The following SOBP variants were observed in gnomAD, a reference collection of about 807,000 sequenced individuals.
The protein encoded by SOBP is sine oculis binding protein homolog.
In SOBP, 4 loss-of-function variants were observed where a neutral mutation model predicts 53.6. That is an observed-to-expected ratio of 0.07 (90% CI 0.04 to 0.17). The LOEUF (loss-of-function observed/expected upper bound fraction) is 0.17. Ranked by LOEUF, SOBP falls within the 10% of genes least tolerant of loss-of-function variation. The pLI is 1.00. For missense variants in SOBP, 1,088 were observed against 1,204.7 expected, an observed-to-expected ratio of 0.90 and a Z score of 1.43; for synonymous variants, 584 against 522.6, an observed-to-expected ratio of 1.12 and a Z score of -1.60.
At chr6:107,596,294 TTAAAA>T (rs1002414594) in intron 5 of SOBP, among the ~76,000 whole-genome samples, 1 of 152,172 alleles carries the variant, frequency 6.6e-6, no homozygotes, top group African/African-American at 2.4e-5. Flanking sequence ...CCTGGTGGTA[TTAAAA>T]TAAAGGCATT....
intron 5 of SOBP, among the ~76,000 whole-genome samples, chr6:107,613,453 C>T (rs1007269578): frequency 7.0e-4 from 107 of 152,118 alleles, no homozygotes; most frequent in African/African-American, 2.3e-3. Flanking sequence ...TGTCTGGACT[C>T]AGATGTTTTA....
rs866435773 is a variant in SOBP at position 107,634,258 on chromosome 6, C to T, written c.1414C>T (p.Pro472Ser). ...PPSTPTMPGNPPGLLPPPPPG... is the reference protein window; with the variant it reads ...PPSTPTMPGNSPGLLPPPPPG... ...GAGCACCCCCACCATGCCCGGGAAC[C>T]CCCCAGGCCTGCTGCCCCCGCCGCC... The change falls in exon 6 of 7, where the codon CCC (proline) becomes TCC (serine). Residue 472 changes from proline to serine, a missense_variant. This residue lies in a region of SOBP where 665 missense variants were observed against 629.7 expected (regional missense o/e 1.06). Coordinates refer to ENST00000317357, the MANE Select transcript of SOBP (RefSeq NM_018013.4). This position sits in a 1 kb window ranked among gnomAD's most constrained non-coding sequence, Gnocchi z 4.5. 1.3e-6 allele frequency: 2 copies of T among 1,567,174 alleles called. No individual in the cohort carries two copies. The highest frequency in any genetic ancestry group is 1.7e-6 in the Non-Finnish European group (2 of 1,161,680).
In SOBP at chr6:107,633,750, C is replaced by T. The variant is rs1224268440; in HGVS notation, c.906C>T (p.Ile302=). The part of the protein sequence containing the change: ...VQLLTPDSWN[I]PLTDARRKAP... ...TGCTCACTCCAGACTCTTGGAATAT[C>T]CCGCTAACAGATGCTCGGAGGAAGG... Residue 302 remains isoleucine (I), a synonymous_variant, in exon 6 of 7, where the codon ATC becomes ATT. Coordinates refer to ENST00000317357, the MANE Select transcript of SOBP (RefSeq NM_018013.4). The T allele has an allele frequency of 2.5e-6, 4 of 1,614,260 alleles. No homozygotes were observed. The highest frequency in any genetic ancestry group is 4.5e-5 in the East Asian group (2 of 44,880).
intron 3 of SOBP, among the ~76,000 whole-genome samples, chr6:107,515,693 G>A (rs949746553): frequency 6.6e-5 from 10 of 152,178 alleles, no homozygotes; most frequent in Non-Finnish European, 4.4e-5. Flanking sequence ...AGGTTGTAGT[G>A]AGCCAAGATT....
intron 4 of SOBP, among the ~76,000 whole-genome samples, chr6:107,565,997 G>A (rs989329774): frequency 3.9e-5 from 6 of 152,164 alleles, no homozygotes; most frequent in African/African-American, 1.4e-4. Context: ...TTTAAAATTT[G>A]TCCCTTGCTA....
At chr6:107,620,649 C>A (rs1786970325) in intron 5 of SOBP, among the ~76,000 whole-genome samples, 1 of 152,200 alleles carries the variant, frequency 6.6e-6, no homozygotes, top group Non-Finnish European at 1.5e-5. Flanking sequence ...ACTTTTGGAA[C>A]ATGCCAATCT....
chr6:107,556,230 C>G (rs1784606262), intron 4 of SOBP, among the ~76,000 whole-genome samples: 1 of 152,184 alleles, frequency 6.6e-6, no homozygotes, highest in South Asian at 2.1e-4. Context: ...AGGGTGGTGT[C>G]TAATGATCCC....
intron 3 of SOBP, among the ~76,000 whole-genome samples, chr6:107,528,263 G>C (rs1783721532): frequency 6.6e-6 from 1 of 152,190 alleles, no homozygotes; most frequent in Non-Finnish European, 1.5e-5. Flanking sequence ...TTTAATCTTA[G>C]TGAGCAGCTG....
intron 4 of SOBP, among the ~76,000 whole-genome samples, chr6:107,545,315 G>C (rs1226750659): frequency 6.6e-6 from 1 of 152,178 alleles, no homozygotes; most frequent in Non-Finnish European, 1.5e-5. Flanking sequence ...CAGAAACTTT[G>C]GGTAATGATG....
chr6:107,633,056 A>C (rs1289747640), intron 5 of SOBP, among the ~76,000 whole-genome samples: 14 of 152,230 alleles, frequency 9.2e-5, no homozygotes, highest in Admixed American at 9.2e-4. Flanking sequence ...TATCAAACAT[A>C]GTCAACAGTG....
intron 3 of SOBP, among the ~76,000 whole-genome samples, chr6:107,519,348 T>C (rs1783415140): frequency 1.3e-5 from 2 of 151,514 alleles, no homozygotes; most frequent in African/African-American, 4.9e-5. Context: ...GCTGAAAATA[T>C]TAACAATGCT....
At chr6:107,559,786 T>C (rs1487741910) in intron 4 of SOBP, among the ~76,000 whole-genome samples, 1 of 152,240 alleles carries the variant, frequency 6.6e-6, no homozygotes, top group Non-Finnish European at 1.5e-5. Flanking sequence ...GGGTGACATA[T>C]AGATCTGATT....
intron 3 of SOBP, among the ~76,000 whole-genome samples, chr6:107,515,561 C>A (rs1188616780): frequency 6.6e-6 from 1 of 152,086 alleles, no homozygotes; most frequent in Non-Finnish European, 1.5e-5. Context: ...CCGGCCTGGG[C>A]AACATGGCAA....
At chr6:107,550,057 C>T (rs1203071620) in intron 4 of SOBP, among the ~76,000 whole-genome samples, 1 of 152,162 alleles carries the variant, frequency 6.6e-6, no homozygotes, top group African/African-American at 2.4e-5. Flanking sequence ...AAGTTGGCAG[C>T]TTCCATTTTG....
At chr6:107,615,398 T>A (rs561934889) in intron 5 of SOBP, among the ~76,000 whole-genome samples, 13 of 152,286 alleles carry the variant, frequency 8.5e-5, no homozygotes, top group African/African-American at 3.1e-4. Flanking sequence ...TATTACTCTG[T>A]TTTCCAAGTC....
At chr6:107,636,550 C>T (rs1326917039) in intron 6 of SOBP, among the ~76,000 whole-genome samples, 1 of 152,234 alleles carries the variant, frequency 6.6e-6, no homozygotes, top group Non-Finnish European at 1.5e-5. Flanking sequence ...AGCCCAAGCT[C>T]TCCCGTCTAT....
Position 107,635,328 on chromosome 6 carries a change from C to A in SOBP, c.2484C>A (p.Ile828=), listed in dbSNP as rs534738535. 2 of 1,613,624 alleles carry A rather than the reference C, an allele frequency of 1.2e-6. No individual in the cohort carries two copies. Among genetic ancestry groups the A allele is most frequent in the East Asian group, 4.5e-5 (2 of 44,856 alleles). Residue 828 remains isoleucine (I), a synonymous_variant, in exon 6 of 7, where the codon ATC becomes ATA. Coordinates refer to ENST00000317357, the MANE Select transcript of SOBP (RefSeq NM_018013.4). The surrounding 1 kb of genome is among the most constrained non-coding windows in gnomAD (Gnocchi z 4.5). ...TGCTGCCCAAGACCGGCTGCGTGAT[C>A]CAGCCTGTGCCAAAACCCGCGGAGA... ...LRMLPKTGCV[I]QPVPKPAEKA... is the part of the protein sequence containing the mutation.
intron 4 of SOBP, among the ~76,000 whole-genome samples, chr6:107,564,370 C>T (rs192947062): frequency 6.6e-6 from 1 of 152,328 alleles, no homozygotes; most frequent in Admixed American, 6.5e-5. Flanking sequence ...ATCTCTCCCC[C>T]AGGAGGTCAC....
Position 107,533,641 on chromosome 6 carries a change from C to T in SOBP, c.573+31C>T, listed in dbSNP as rs373341475. The T allele has an allele frequency of 1.1e-5, 18 of 1,613,640 alleles. No homozygotes were observed. In the African/African-American group the frequency reaches 1.3e-4, roughly 12 times the overall value. Reference sequence around the variant, plus strand: ...AGCACCGGAGAGAGAGGCGGCCCCCCACAGGCCTCACCAGCCCACACGCGC... The same window carrying T: ...AGCACCGGAGAGAGAGGCGGCCCCCTACAGGCCTCACCAGCCCACACGCGC... On this transcript the variant is annotated intron_variant, in intron 4 of 6. Transcript: ENST00000317357.
Sources: allele counts gnomAD v4.1 joint callset (sites outside exome capture counted in the v4.1 genomes callset), GRCh38; gene constraint gnomAD v4.1.1; regional missense constraint gnomAD v4.1.1; non-coding constraint Gnocchi (gnomAD v3.1); transcripts MANE v1.5; gene names NCBI Gene and HGNC (gene_info 2026-07-23, HGNC 2026-07-21).